Variants in HNRNPH1 observed in about 807,000 individuals in gnomAD.
HNRNPH1 encodes heterogeneous nuclear ribonucleoprotein H1.
In HNRNPH1, 4 loss-of-function variants were observed where a neutral mutation model predicts 58.6. That is an observed-to-expected ratio of 0.07 (90% CI 0.03 to 0.16). The LOEUF (loss-of-function observed/expected upper bound fraction) is 0.16, where lower values mean the gene tolerates loss of function less well. Ranked by LOEUF, HNRNPH1 falls within the 10% of genes least tolerant of loss-of-function variation. The pLI, the probability that HNRNPH1 is intolerant of heterozygous loss-of-function variation, is 1.00. For missense variants in HNRNPH1, 271 were observed against 564.2 expected (o/e 0.48, Z 5.26); for synonymous variants, 192 against 189.2 (o/e 1.01, Z -0.12).
upstream of HNRNPH1, among the ~76,000 whole-genome samples, chr5:179,627,359 T>C (rs1261367898): frequency 4.2e-5 from 6 of 143,624 alleles, no homozygotes; most frequent in East Asian, 8.5e-4. Flanking sequence ...GCCCGACTAA[T>C]TTTTTTTTTT....
chr5:179,619,019 C>CGAG (rs1250547592), intron 4 of HNRNPH1: 2 of 289,400 alleles, frequency 6.9e-6, no homozygotes, highest in Non-Finnish European at 1.3e-5. Flanking sequence ...AAGCCATAGT[C>CGAG]TCTCAACTCT....
At chr5:179,622,889 C>G (rs1773253187) in intron 1 of HNRNPH1, 148 bp downstream of exon 2, 1 of 124,564 alleles carries the variant, frequency 8.0e-6, no homozygotes, top group Non-Finnish European at 1.6e-5. Flanking sequence ...TGAGTGTAGT[C>G]GCCCGCGCCT....
At chr5:179,621,975 C>T (rs769008320) in intron 1 of HNRNPH1, 6 of 456,300 alleles carry the variant, frequency 1.3e-5, no homozygotes, top group South Asian at 7.7e-5. Context: ...CCGTTACCAA[C>T]GCTAAATTCA....
At chr5:179,625,936 T>TTTATTTA (rs1159299604), upstream of HNRNPH1, among the ~76,000 whole-genome samples, 97 of 146,752 alleles carry the variant, frequency 6.6e-4, no homozygotes, top group Non-Finnish European at 2.6e-4. Flanking sequence ...GCTCAGATTA[T>TTTATTTA]TTATTTATTT....
chr5:179,614,728 T>A (rs1037314754), exon 13 of HNRNPH1: 2 of 599,494 alleles, frequency 3.3e-6, no homozygotes, highest in Non-Finnish European at 5.7e-6. Flanking sequence ...CCACTTAGAG[T>A]AAGCATAAAT....
rs530411214 is a variant in HNRNPH1 at position 179,617,237 on chromosome 5, C to T, written c.1058-127G>A. ...TACTTTGGCAAAGAAATTCTAGCTA[C>T]TTCTCTTAGGTGATCTACTTTAACT... is the stretch of plus-strand genomic sequence containing the variant. On this transcript the variant is annotated intron_variant, in intron 8 of 12. Coordinates refer to ENST00000356731, the Ensembl canonical transcript of HNRNPH1. 8.5e-6 allele frequency: 8 copies of T among 940,816 alleles called. No homozygotes were observed. The South Asian group carries it at 1.1e-4, about 13-fold the overall frequency. The allele number at this position is 940,816 out of a possible 1,614,324, so 58.3% of individuals were successfully genotyped here.
chr5:179,631,615 C>T (rs1774834907), intron 2 of HNRNPH1, among the ~76,000 whole-genome samples: 1 of 152,028 alleles, frequency 6.6e-6, no homozygotes. Flanking sequence ...GGTGCAGTGG[C>T]GTAGGCCTGT....
At chr5:179,621,698 A>T (rs1469367140) in intron 1 of HNRNPH1, 1 of 413,514 alleles carries the variant, frequency 2.4e-6, no homozygotes, top group Middle Eastern at 6.5e-4. Context: ...ATTTCTCAGA[A>T]GATTATCAAG....
chr5:179,615,129 T>A, intron 12 of HNRNPH1, 170 bp from the exon 14 acceptor site: 2 of 592,244 alleles, frequency 3.4e-6, no homozygotes, highest in Non-Finnish European at 6.1e-6. Context: ...AAGCCTCAAT[T>A]AACCCCTTTT....
intron 1 of HNRNPH1, chr5:179,621,668 A>G: frequency 2.1e-6 from 1 of 474,586 alleles, no homozygotes; most frequent in Non-Finnish European, 3.8e-6. Flanking sequence ...ACTCATGTCT[A>G]CATCACACAT....
exon 13 of HNRNPH1, chr5:179,614,618 A>AACAGTTTAGTTTAACAGTTATAGTTTAAC (rs1392057130): frequency 2.7e-6 from 1 of 366,128 alleles, no homozygotes; most frequent in African/African-American, 2.0e-5. Context: ...GCTGGAACTT[A>AACAGTTTAGTTTAACAGTTATAGTTTAAC]AGTTTAACAG....
chr5:179,615,246 G>A (rs1768952500), intron 12 of HNRNPH1: 1 of 424,674 alleles, frequency 2.4e-6, no homozygotes. Context: ...TTCAAAAATT[G>A]CAAAATTACT....
At chr5:179,614,985 T>TAGGAGTA in intron 12 of HNRNPH1, 26 bp from the exon 14 acceptor site, 1 of 1,291,676 alleles carries the variant, frequency 7.7e-7, no homozygotes, top group Non-Finnish European at 1.1e-6. Context: ...TTTGACAAGT[T>TAGGAGTA]AGGAGTAATA....
chr5:179,619,525 G>C, intron 3 of HNRNPH1, 118 bp from the exon 5 acceptor site: 1 of 794,668 alleles, frequency 1.3e-6, no homozygotes, highest in Non-Finnish European at 2.0e-6. Context: ...TGAATGGTAT[G>C]CTTTCAACAA....
intron 1 of HNRNPH1, 157 bp from the exon 3 acceptor site, chr5:179,621,554 T>TA (rs1170850017): frequency 8.7e-4 from 509 of 585,960 alleles, no homozygotes; most frequent in Middle Eastern, 1.8e-3. Flanking sequence ...AAACTCCAAT[T>TA]AAAAAAAAAC....
intron 12 of HNRNPH1, 104 bp from the exon 14 acceptor site, chr5:179,615,063 G>T: frequency 1.4e-6 from 1 of 738,580 alleles, no homozygotes; most frequent in Non-Finnish European, 2.4e-6. Flanking sequence ...AGTACAAATG[G>T]CTGCTGTCCA....
exon 1 of HNRNPH1, chr5:179,624,295 G>T (rs1465231802): frequency 1.8e-5 from 7 of 389,510 alleles, no homozygotes; most frequent in Non-Finnish European, 3.2e-5. Flanking sequence ...TCCCAGCCCT[G>T]TGTGCCTCCA....
At chr5:179,619,587 ATAAC>A in intron 3 of HNRNPH1, 180 bp from the exon 5 acceptor site, 1 of 536,482 alleles carries the variant, frequency 1.9e-6, no homozygotes, top group Non-Finnish European at 3.3e-6. Context: ...ATTATAAAGT[ATAAC>A]TATTCTTAAC....
intron 10 of HNRNPH1, chr5:179,616,430 C>A (rs550125233): frequency 2.4e-4 from 139 of 577,254 alleles, no homozygotes; most frequent in Admixed American, 1.2e-4. Flanking sequence ...GCTAACGGTA[C>A]ACACATCAGC....
Sources: gnomAD v4.1 joint callset for allele counts (sites outside exome capture counted in the v4.1 genomes callset) on GRCh38, gnomAD v4.1.1 for gene constraint, MANE v1.5 for transcripts, NCBI Gene and HGNC (gene_info 2026-07-23, HGNC 2026-07-21) for gene names.